Variants in CCDC60 observed in about 807,000 individuals in gnomAD.
CCDC60 encodes coiled-coil domain-containing protein 60.
CCDC60 carries 54 observed loss-of-function variants against 63.5 expected under a neutral mutation model. That is an observed-to-expected ratio of 0.85 (90% CI 0.68 to 1.07). The LOEUF (loss-of-function observed/expected upper bound fraction) is 1.07, where lower values mean the gene tolerates loss of function less well. CCDC60 is among the 50% of genes least tolerant of loss of function. CCDC60 has a pLI of 0.00. For synonymous variants in CCDC60, 206 were observed against 238.8 expected, an observed-to-expected ratio of 0.86 and a Z score of 1.27; for missense variants, 651 against 684.3, an observed-to-expected ratio of 0.95 and a Z score of 0.54.
chr12:119,377,308 C>T (rs1438605870), intron 1 of CCDC60, among the ~76,000 whole-genome samples: 1 of 149,770 alleles, frequency 6.7e-6, no homozygotes, highest in Non-Finnish European at 1.5e-5. Flanking sequence ...AAATTCCAAC[C>T]CAAGTCTCAA....
intron 8 of CCDC60, among the ~76,000 whole-genome samples, 164 bp from the exon 9 acceptor site, chr12:119,519,957 C>T (rs1451971279): frequency 6.6e-6 from 1 of 151,794 alleles, no homozygotes; most frequent in Non-Finnish European, 1.5e-5. Flanking sequence ...GAAATGTGGC[C>T]GAGGAATCTG....
At chr12:119,469,843 G>A (rs192676759) in intron 2 of CCDC60, among the ~76,000 whole-genome samples, 64 of 152,336 alleles carry the variant, frequency 4.2e-4, no homozygotes, top group Middle Eastern at 6.8e-3. Context: ...CGATGCAATA[G>A]AAATGTACAA....
intron 3 of CCDC60, among the ~76,000 whole-genome samples, chr12:119,474,728 C>T (rs1486498316): frequency 2.0e-5 from 3 of 151,976 alleles, no homozygotes; most frequent in African/African-American, 7.3e-5. Flanking sequence ...TTCTTCAGGC[C>T]AGGCGTGGTG....
intron 1 of CCDC60, among the ~76,000 whole-genome samples, chr12:119,352,381 G>C (rs1401764326): frequency 6.6e-6 from 1 of 152,202 alleles, no homozygotes; most frequent in African/African-American, 2.4e-5. Flanking sequence ...TTCACTGTGT[G>C]CCAGGTGATT....
intron 2 of CCDC60, among the ~76,000 whole-genome samples, chr12:119,441,156 G>A (rs1205341123): frequency 6.6e-6 from 1 of 152,184 alleles, no homozygotes; most frequent in Admixed American, 6.5e-5. Context: ...TTTAGGGACA[G>A]CTGAAGCAAA....
chr12:119,384,936 G>GT (rs1227716960), intron 1 of CCDC60, among the ~76,000 whole-genome samples: 1 of 148,318 alleles, frequency 6.7e-6, no homozygotes, highest in African/African-American at 2.4e-5. Flanking sequence ...CAAACATTGA[G>GT]TGGGGGGGCT....
intron 3 of CCDC60, among the ~76,000 whole-genome samples, chr12:119,476,977 A>C (rs180949377): frequency 1.3e-5 from 2 of 152,340 alleles, no homozygotes; most frequent in East Asian, 3.9e-4. Flanking sequence ...AAAACTTATT[A>C]ACTCAAGATA....
intron 2 of CCDC60, among the ~76,000 whole-genome samples, chr12:119,448,779 C>T (rs1950583753): frequency 6.6e-6 from 1 of 152,134 alleles, no homozygotes; most frequent in Admixed American, 6.5e-5. Flanking sequence ...TGCCTAGAAA[C>T]CAGAGCTGTG....
chr12:119,470,013 C>G lies in CCDC60; in HGVS notation c.171-1981C>G, dbSNP rs75023737. On this transcript the variant is annotated intron_variant, in intron 2 of 13. Transcript: ENST00000327554. The stretch of plus-strand genomic sequence containing the variant: ...TCCAGGCTCACTTAAGAACCCAAGG[C>G]CCTGCGCCATGTTTCCTGCCTGCAT... Among the ~76,000 whole-genome samples, 54 of 152,304 alleles carry G rather than the reference C, an allele frequency of 3.5e-4. 2 individuals carry two copies. The East Asian group carries it at 8.7e-3, about 24-fold the overall frequency.
At chr12:119,455,405 T>C (rs912523280) in intron 2 of CCDC60, among the ~76,000 whole-genome samples, 1 of 152,126 alleles carries the variant, frequency 6.6e-6, no homozygotes, top group Non-Finnish European at 1.5e-5. Flanking sequence ...AGGAAGTACA[T>C]AGGTACAAGG....
chr12:119,533,935 G>GT (rs1188866902), intron 13 of CCDC60, among the ~76,000 whole-genome samples: 5 of 152,148 alleles, frequency 3.3e-5, no homozygotes, highest in African/African-American at 9.7e-5. Flanking sequence ...TTTTAAAGTA[G>GT]TTTTTTCCAA....
intron 1 of CCDC60, among the ~76,000 whole-genome samples, chr12:119,353,798 C>T (rs191330231): frequency 1.2e-4 from 18 of 152,108 alleles, no homozygotes; most frequent in Non-Finnish European, 2.1e-4. Flanking sequence ...TGTGGCTGGG[C>T]GCAGTGGCTT....
rs12312833 is a variant in CCDC60 at position 119,456,068 on chromosome 12, C to A, written c.171-15926C>A. Among the ~76,000 whole-genome samples, 33,660 of 97,974 alleles carry A rather than the reference C, an allele frequency of 0.34. 5,408 individuals carry two copies. The highest frequency in any genetic ancestry group is 0.46 in the South Asian group (1,005 of 2,202). The allele number at this position is 97,974 out of a possible 152,430, so 64.3% of individuals were successfully genotyped here. A position where few individuals can be genotyped will look rare whatever the true frequency, so the allele number is the denominator to read the frequency against. ...GAAAGAAAGAAAGAAAGAAAGCAAG[C>A]AAGCATGTGCAATTTCAAGGGGGTA... On this transcript the variant is annotated intron_variant, in intron 2 of 13. Transcript: ENST00000327554. The surrounding 1 kb of genome is among the most constrained non-coding windows in gnomAD (Gnocchi z 4.6).
chr12:119,478,540 G>A (rs867905363), intron 3 of CCDC60, among the ~76,000 whole-genome samples: 2 of 150,358 alleles, frequency 1.3e-5, no homozygotes, highest in African/African-American at 4.9e-5. Context: ...CTAGTATGCC[G>A]CATGATTTAT....
intron 1 of CCDC60, among the ~76,000 whole-genome samples, chr12:119,418,710 G>A (rs7485706): frequency 0.62 from 93,527 of 151,884 alleles, 29,082 homozygotes; most frequent in South Asian, 0.7. Context: ...CCCCAATGCT[G>A]TTATCTAACA....
intron 2 of CCDC60, among the ~76,000 whole-genome samples, chr12:119,470,251 C>A (rs192970758): frequency 2.0e-5 from 3 of 152,328 alleles, no homozygotes; most frequent in Admixed American, 2.0e-4. Context: ...CTCTAGGTTC[C>A]TATAGCCCTT....
At chr12:119,384,414 T>C (rs1429662119) in intron 1 of CCDC60, among the ~76,000 whole-genome samples, 3 of 152,208 alleles carry the variant, frequency 2.0e-5, no homozygotes, top group Non-Finnish European at 4.4e-5. Context: ...AGTTTCTGTA[T>C]CTGGCAAATC....
intron 2 of CCDC60, among the ~76,000 whole-genome samples, chr12:119,461,100 T>C (rs1161697458): frequency 6.6e-6 from 1 of 152,094 alleles, no homozygotes; most frequent in African/African-American, 2.4e-5. Context: ...ATGACCATCA[T>C]TTACCTAACC....
At chr12:119,534,927 C>T (rs1357523121) in intron 13 of CCDC60, among the ~76,000 whole-genome samples, 1 of 152,124 alleles carries the variant, frequency 6.6e-6, no homozygotes, top group Non-Finnish European at 1.5e-5. Context: ...TGATGTTGGC[C>T]TCATAAAATG....
Sources: gnomAD v4.1 joint callset for allele counts (sites outside exome capture counted in the v4.1 genomes callset) on GRCh38, gnomAD v4.1.1 for gene constraint, Gnocchi (gnomAD v3.1) non-coding constraint, MANE v1.5 for transcripts, NCBI Gene and HGNC (gene_info 2026-07-23, HGNC 2026-07-21) for gene names.